The following KLHL1 variants were observed in gnomAD, a reference collection of about 807,000 sequenced individuals.
KLHL1 encodes the protein kelch like family member 1.
A neutral mutation model predicts 77.7 loss-of-function variants in KLHL1; 47 were observed. That is an observed-to-expected ratio of 0.60 (90% CI 0.48 to 0.77). The LOEUF (loss-of-function observed/expected upper bound fraction) is 0.77. KLHL1 is among the 30% of genes least tolerant of loss of function. The pLI, the probability that KLHL1 is intolerant of heterozygous loss-of-function variation, is 0.00. For synonymous variants in KLHL1, 360 were observed against 325.2 expected (o/e 1.11, Z -1.15); for missense variants, 925 against 910.8 (o/e 1.02, Z -0.20).
chr13:69,852,331 T>C (rs544675677), intron 5 of KLHL1, among the ~76,000 whole-genome samples: 10 of 152,060 alleles, frequency 6.6e-5, no homozygotes, highest in Middle Eastern at 3.4e-3. Flanking sequence ...CCACATTTTA[T>C]TTCAGAAATG....
At chr13:69,943,086 G>GT (rs1321860918) in intron 3 of KLHL1, among the ~76,000 whole-genome samples, 4 of 151,858 alleles carry the variant, frequency 2.6e-5, no homozygotes, top group Non-Finnish European at 5.9e-5. Context: ...TTATGGTGAA[G>GT]TTTTTTTCTT....
chr13:69,859,486 G>A (rs1379765768), intron 5 of KLHL1, among the ~76,000 whole-genome samples: 2 of 152,010 alleles, frequency 1.3e-5, no homozygotes, highest in African/African-American at 4.8e-5. Context: ...GGCAGACGCT[G>A]TGACAGCTCT....
chr13:70,010,370 TA>T lies in KLHL1; in HGVS notation c.498-34569del, dbSNP rs796971633. ...TTGAAATCAGAGAAAGAAAAGGATT[TA>T]AAAAAAAAAGTTTGCTTTGGGGCAT... On this transcript the variant is annotated intron_variant, in intron 1 of 10. Transcript: ENST00000377844. 4.5e-3 allele frequency among the ~76,000 whole-genome samples: 673 copies of T among 149,444 alleles called. 3 individuals carry two copies. The highest frequency in any genetic ancestry group is 6.5e-3 in the African/African-American group (266 of 40,822).
chr13:70,033,604 CTTTTTTTTTTTTTTT>C (rs71116981), intron 1 of KLHL1, among the ~76,000 whole-genome samples: 9 of 47,186 alleles, frequency 1.9e-4, no homozygotes, highest in South Asian at 9.6e-4. Context: ...CCGCAACTGG[CTTTTTTTTTTTTTTT>C]TTTTTTTTTT....
intron 2 of KLHL1, among the ~76,000 whole-genome samples, chr13:69,965,909 G>A (rs185660728): frequency 1.6e-3 from 239 of 152,262 alleles, no homozygotes; most frequent in South Asian, 3.3e-3. Flanking sequence ...GAGAGGTGAC[G>A]AAACTGCAGA....
intron 1 of KLHL1, among the ~76,000 whole-genome samples, chr13:70,054,038 AT>A (rs1242476239): frequency 6.6e-6 from 1 of 152,102 alleles, no homozygotes; most frequent in East Asian, 1.9e-4. Context: ...AAATGTGAGT[AT>A]TAAAAACATT....
intron 4 of KLHL1, among the ~76,000 whole-genome samples, chr13:69,895,379 C>G (rs1026439136): frequency 3.3e-5 from 5 of 152,168 alleles, no homozygotes; most frequent in Non-Finnish European, 7.3e-5. Context: ...CTTGGCCACT[C>G]AAGCTGCCAC....
intron 6 of KLHL1, among the ~76,000 whole-genome samples, chr13:69,837,763 G>T (rs910134655): frequency 2.7e-5 from 4 of 150,124 alleles, no homozygotes; most frequent in African/African-American, 9.8e-5. Context: ...TTCTGGGAAA[G>T]AGACTACCCC....
At chr13:70,101,689 A>G (rs1887927144) in intron 1 of KLHL1, among the ~76,000 whole-genome samples, 2 of 152,092 alleles carry the variant, frequency 1.3e-5, no homozygotes, top group African/African-American at 4.8e-5. Context: ...TTGGCCTCCC[A>G]AAGTGCTGGG....
At chr13:69,787,636 C>A (rs565684767) in intron 7 of KLHL1, among the ~76,000 whole-genome samples, 2 of 152,226 alleles carry the variant, frequency 1.3e-5, no homozygotes, top group South Asian at 4.1e-4. Context: ...AAAGCAATGG[C>A]AACTAAAGCC....
At chr13:69,841,229 G>A (rs55748499) in intron 5 of KLHL1, among the ~76,000 whole-genome samples, 12,235 of 151,770 alleles carry the variant, frequency 0.081, 928 homozygotes, top group African/African-American at 0.2. Context: ...AATCAGGAAA[G>A]AGAAAGAAAT....
chr13:69,855,381 T>C (rs1322059672), intron 5 of KLHL1, among the ~76,000 whole-genome samples: 7,728 of 141,024 alleles, frequency 0.055, 322 homozygotes, highest in African/African-American at 0.098. Context: ...GATAGATCTA[T>C]AGATAGAGAT....
chr13:69,771,994 C>G (rs1348859992), intron 7 of KLHL1, among the ~76,000 whole-genome samples: 1 of 151,942 alleles, frequency 6.6e-6, no homozygotes, highest in Non-Finnish European at 1.5e-5. Flanking sequence ...CTCTATTGCC[C>G]TGGCAGGAAT....
rs374278446 is a variant in KLHL1, at chr13:69,970,634, C to T, written c.680+4986G>A. 3.5e-4 allele frequency among the ~76,000 whole-genome samples: 53 copies of T among 152,222 alleles called. No homozygotes were observed. In the South Asian group the frequency reaches 9.9e-3, roughly 29 times the overall value. ...CTTCAACTGCCACCACCTCTCCTGA[C>T]TCTCAACCTGTGGGTGGATCTTAAA... On this transcript the variant is annotated intron_variant, in intron 2 of 10. Transcript: ENST00000377844.
At chr13:70,009,178 T>C (rs1350062787) in intron 1 of KLHL1, among the ~76,000 whole-genome samples, 1 of 152,120 alleles carries the variant, frequency 6.6e-6, no homozygotes, top group Admixed American at 6.6e-5. Context: ...ATAAGTCTTA[T>C]GGAGACATAA....
intron 7 of KLHL1, among the ~76,000 whole-genome samples, chr13:69,788,339 T>C (rs930014376): frequency 2.6e-5 from 4 of 151,970 alleles, no homozygotes; most frequent in African/African-American, 9.7e-5. Context: ...CCATAAAAAA[T>C]AAAGAGTTCA....
intron 9 of KLHL1, among the ~76,000 whole-genome samples, chr13:69,717,532 T>C (rs562757587): frequency 1.3e-5 from 2 of 152,274 alleles, no homozygotes; most frequent in African/African-American, 4.8e-5. Flanking sequence ...TTTTCCAACA[T>C]AAATGTATTC....
At chr13:70,076,688 C>G (rs1313950596) in intron 1 of KLHL1, among the ~76,000 whole-genome samples, 1 of 151,692 alleles carries the variant, frequency 6.6e-6, no homozygotes, top group Admixed American at 6.6e-5. Context: ...GTAAAAGAAT[C>G]AGCAGAATGT....
At position 70,107,216 on chromosome 13, in the gene KLHL1, CT is replaced by C; in HGVS notation, c.483del (p.Gly162AspfsTer13). The C allele has an allele frequency of 6.2e-7, 1 of 1,610,324 alleles. No homozygotes were observed. The highest frequency in any genetic ancestry group is 8.5e-7 in the Non-Finnish European group (1 of 1,177,970). ...GACTTACTGTACCTGTGTCCACATC[CT>C]TCACCTGTTGCCTGGCTAGAGTTGT... is the stretch of plus-strand genomic sequence containing the variant. ...EPDNSSQATG[E>X]GCGHRLSSTG... On this transcript the variant is annotated frameshift_variant, in exon 1 of 11. Transcript: ENST00000377844. LOFTEE classifies it high-confidence loss of function.
Sources: gnomAD v4.1 joint callset for allele counts (sites outside exome capture counted in the v4.1 genomes callset) on GRCh38, gnomAD v4.1.1 for gene constraint, MANE v1.5 for transcripts, NCBI Gene and HGNC (gene_info 2026-07-23, HGNC 2026-07-21) for gene names.